The following UBE2E2 variants were observed in gnomAD, a reference collection of about 807,000 sequenced individuals.
UBE2E2 encodes the protein ubiquitin-conjugating enzyme E2 E2.
UBE2E2 carries 6 observed loss-of-function variants against 24.7 expected under a neutral mutation model. The observed-to-expected ratio is 0.24, with a 90% CI of 0.13 to 0.48. UBE2E2 has a LOEUF of 0.48. UBE2E2 is among the 20% of genes least tolerant of loss of function. The pLI is 0.99. For missense variants in UBE2E2, 169 were observed against 245.0 expected (o/e 0.69, Z 2.07); for synonymous variants, 104 against 83.6 (o/e 1.24, Z -1.33).
Position 23,590,028 on chromosome 3 carries a change from A to G in UBE2E2, c.*197A>G, listed in dbSNP as rs867268128. 2 of 504,044 alleles carry G rather than the reference A, an allele frequency of 4.0e-6. No individual in the cohort carries two copies. Among genetic ancestry groups the G allele is most frequent in the African/African-American group, 1.9e-5 (1 of 52,044 alleles). 31.2% of individuals were successfully genotyped at this position (504,044 alleles called of 1,614,324 possible). The stretch of plus-strand genomic sequence containing the variant: ...CTTCCTCTCTCCCACGCTCTCTTTT[A>G]TCTCTCATTTTATTCCCTTGTTGAT... On this transcript the variant is annotated 3_prime_UTR_variant, in exon 6 of 6. Transcript: ENST00000396703.
intron 3 of UBE2E2, among the ~76,000 whole-genome samples, chr3:23,284,337 T>C (rs1199445710): frequency 6.6e-6 from 1 of 152,138 alleles, no homozygotes; most frequent in Non-Finnish European, 1.5e-5. Context: ...AGACTCTTTT[T>C]GGCCTTATTT....
chr3:23,544,708 G>T (rs1272940988), intron 5 of UBE2E2, among the ~76,000 whole-genome samples: 3 of 152,222 alleles, frequency 2.0e-5, no homozygotes, highest in Non-Finnish European at 2.9e-5. Context: ...TTTCTCGTTA[G>T]GTGGAACAAG....
intron 3 of UBE2E2, among the ~76,000 whole-genome samples, chr3:23,414,200 G>A (rs965795037): frequency 1.3e-5 from 2 of 152,122 alleles, no homozygotes; most frequent in Non-Finnish European, 2.9e-5. Context: ...TATAAATCCT[G>A]TAATTAACCT....
intron 3 of UBE2E2, among the ~76,000 whole-genome samples, chr3:23,246,890 TA>T (rs1269123862): frequency 6.6e-6 from 1 of 152,108 alleles, no homozygotes; most frequent in Non-Finnish European, 1.5e-5. Context: ...TTTCTGGACT[TA>T]AAAAGAAAAA....
chr3:23,412,707 A>G (rs1697521708), intron 3 of UBE2E2, among the ~76,000 whole-genome samples: 1 of 152,110 alleles, frequency 6.6e-6, no homozygotes, highest in Non-Finnish European at 1.5e-5. Flanking sequence ...CACTGACAAC[A>G]TACTTTAGTG....
chr3:23,493,320 A>G (rs948389827), intron 3 of UBE2E2, among the ~76,000 whole-genome samples: 1 of 152,196 alleles, frequency 6.6e-6, no homozygotes, highest in Non-Finnish European at 1.5e-5. Flanking sequence ...TTTTTATTGC[A>G]TGTAATATTT....
chr3:23,555,742 G>T (rs1420770269), intron 5 of UBE2E2, among the ~76,000 whole-genome samples: 1 of 152,144 alleles, frequency 6.6e-6, no homozygotes, highest in Non-Finnish European at 1.5e-5. Context: ...CTGAAACATG[G>T]AAGGACATTA....
chr3:23,254,089 G>T (rs1438386049), intron 3 of UBE2E2, among the ~76,000 whole-genome samples: 1 of 152,174 alleles, frequency 6.6e-6, no homozygotes, highest in East Asian at 1.9e-4. Flanking sequence ...CACATGTTCT[G>T]AGAGTACCCT....
intron 3 of UBE2E2, among the ~76,000 whole-genome samples, chr3:23,367,413 G>A (rs1696288018): frequency 6.6e-6 from 1 of 152,078 alleles, no homozygotes; most frequent in Non-Finnish European, 1.5e-5. Context: ...CATCTGTGCT[G>A]AAAGTTAATT....
chr3:23,416,891 C>T (rs1697650587), intron 3 of UBE2E2, among the ~76,000 whole-genome samples: 1 of 152,168 alleles, frequency 6.6e-6, no homozygotes, highest in Non-Finnish European at 1.5e-5. Flanking sequence ...CTGTGTTTTT[C>T]AGCTCCATCA....
chr3:23,511,252 T>C (rs535368102), intron 4 of UBE2E2, among the ~76,000 whole-genome samples: 4 of 152,346 alleles, frequency 2.6e-5, no homozygotes, highest in South Asian at 2.1e-4. Flanking sequence ...CTGTCCCTCA[T>C]TGTGACAACA....
At chr3:23,393,465 A>G (rs1434778718) in intron 3 of UBE2E2, among the ~76,000 whole-genome samples, 1 of 152,146 alleles carries the variant, frequency 6.6e-6, no homozygotes, top group Non-Finnish European at 1.5e-5. Context: ...TTAGACTTGT[A>G]AATTATCAGG....
rs1051190493 is a variant in UBE2E2, at chr3:23,474,330, G to A, written c.228-25278G>A. The stretch of plus-strand genomic sequence containing the variant: ...AGATTTTGAAGATTTTTCCCACTCT[G>A]TGGGTTATCTGTTTACTGACTGAAG... On this transcript the variant is annotated intron_variant, in intron 3 of 5. Transcript: ENST00000396703. The surrounding 1 kb of genome is among the most constrained non-coding windows in gnomAD (Gnocchi z 4.0). 2.0e-5 allele frequency among the ~76,000 whole-genome samples: 3 copies of A among 151,968 alleles called. No homozygotes were observed. The highest frequency in any genetic ancestry group is 7.3e-5 in the African/African-American group (3 of 41,288).
chr3:23,329,633 G>T (rs533063733), intron 3 of UBE2E2, among the ~76,000 whole-genome samples: 1 of 152,314 alleles, frequency 6.6e-6, no homozygotes, highest in South Asian at 2.1e-4. Flanking sequence ...GCTCAGACTG[G>T]CTTGCCACCA....
At chr3:23,303,673 G>C (rs1699163672) in intron 3 of UBE2E2, among the ~76,000 whole-genome samples, 1 of 152,152 alleles carries the variant, frequency 6.6e-6, no homozygotes, top group African/African-American at 2.4e-5. Context: ...TCAGTGACAA[G>C]TATAACACTT....
rs1002353838 is a variant in UBE2E2, at chr3:23,546,183, T to A, written c.508+13482T>A. Among the ~76,000 whole-genome samples the A allele has an allele frequency of 2.9e-4, 44 of 152,274 alleles. 1 individual carries two copies. Among genetic ancestry groups the A allele is most frequent in the Admixed American group, 6.5e-5 (1 of 15,288 alleles). ...AAATTAATTAAACATTTTTAAAAAT[T>A]TTTCAAAGAACTTGATCTGATTGAA... On this transcript the variant is annotated intron_variant, in intron 5 of 5. Coordinates refer to ENST00000396703, the MANE Select transcript of UBE2E2 (RefSeq NM_152653.4).
chr3:23,455,010 A>G lies in UBE2E2; in HGVS notation c.228-44598A>G, dbSNP rs1012684850. 3.9e-5 allele frequency among the ~76,000 whole-genome samples: 6 copies of G among 152,268 alleles called. No homozygotes were observed. In the South Asian group the frequency reaches 1.2e-3, roughly 32 times the overall value. ...TTGATCCCTAAGCAGAATTCACTGG[A>G]TTATCATGTCTTCCTGCCTAACCCA... On this transcript the variant is annotated intron_variant, in intron 3 of 5. Transcript: ENST00000396703.
chr3:23,341,792 A>G (rs890581342), intron 3 of UBE2E2, among the ~76,000 whole-genome samples: 3 of 151,684 alleles, frequency 2.0e-5, no homozygotes, highest in South Asian at 2.1e-4. Flanking sequence ...TATCTGGCCA[A>G]TTTTTTCTTT....
intron 3 of UBE2E2, among the ~76,000 whole-genome samples, chr3:23,476,425 T>C (rs1699139957): frequency 6.6e-6 from 1 of 152,108 alleles, no homozygotes; most frequent in African/African-American, 2.4e-5. Flanking sequence ...CCAGGTGCAG[T>C]GGTTCATGCC....
Sources: allele counts gnomAD v4.1 joint callset (sites outside exome capture counted in the v4.1 genomes callset), GRCh38; gene constraint gnomAD v4.1.1; non-coding constraint Gnocchi (gnomAD v3.1); transcripts MANE v1.5; gene names NCBI Gene and HGNC (gene_info 2026-07-23, HGNC 2026-07-21).